The following WDHD1 variants were observed in gnomAD, a reference collection of about 807,000 sequenced individuals.
The protein encoded by WDHD1 is WD repeat and HMG-box DNA binding protein 1.
WDHD1 carries 111 observed loss-of-function variants against 135.4 expected under a neutral mutation model. The observed-to-expected ratio is 0.82, with a 90% CI of 0.70 to 0.96. The LOEUF is 0.96. Among genes scored for constraint, WDHD1 ranks in the 40% least tolerant of loss-of-function variants. The pLI, the probability that WDHD1 is intolerant of heterozygous loss-of-function variation, is 0.00. For missense variants in WDHD1, 1,351 were observed against 1,336.3 expected, an observed-to-expected ratio of 1.01 and a Z score of -0.17; for synonymous variants, 434 against 439.0, an observed-to-expected ratio of 0.99 and a Z score of 0.14.
At chr14:54,999,298 T>C (rs555140907) in intron 10 of WDHD1, among the ~76,000 whole-genome samples, 4 of 152,106 alleles carry the variant, frequency 2.6e-5, no homozygotes, top group African/African-American at 7.2e-5. Context: ...GTCTATTTCA[T>C]CTTTTCTAAA....
intron 2 of WDHD1, among the ~76,000 whole-genome samples, chr14:55,018,716 G>C (rs2042297773): frequency 6.6e-6 from 1 of 152,148 alleles, no homozygotes; most frequent in South Asian, 2.1e-4. Flanking sequence ...AATTTGCTCT[G>C]AGCCTGCCAA....
chr14:55,002,758 T>A (rs118135200), intron 7 of WDHD1, among the ~76,000 whole-genome samples: 3,750 of 152,012 alleles, frequency 0.025, 66 homozygotes, highest in South Asian at 0.04. Flanking sequence ...CCCAACTAAT[T>A]TTTTTCCTGT....
chr14:54,962,370 A>AT, intron 21 of WDHD1, 128 bp downstream of exon 21: 1 of 750,018 alleles, frequency 1.3e-6, no homozygotes. Context: ...GAGATTAAAA[A>AT]AACAAAAACA....
chr14:54,947,828 G>A (rs1054593709), intron 24 of WDHD1, among the ~76,000 whole-genome samples: 2 of 151,906 alleles, frequency 1.3e-5, no homozygotes, highest in Non-Finnish European at 2.9e-5. Flanking sequence ...TTGACCTCAA[G>A]TGATCCGCCC....
intron 11 of WDHD1, among the ~76,000 whole-genome samples, chr14:54,994,586 C>G (rs1037740561): frequency 6.6e-6 from 1 of 151,772 alleles, no homozygotes; most frequent in Non-Finnish European, 1.5e-5. Context: ...CATGGTGAAA[C>G]CCCATCTCTA....
intron 7 of WDHD1, among the ~76,000 whole-genome samples, chr14:55,005,912 T>A (rs1566738946): frequency 6.6e-6 from 1 of 152,184 alleles, no homozygotes; most frequent in African/African-American, 2.4e-5. Context: ...TTGCCTAGGC[T>A]GGAGTACAGT....
intron 2 of WDHD1, 142 bp downstream of exon 2, chr14:55,026,569 C>G: frequency 1.2e-6 from 1 of 800,506 alleles, no homozygotes; most frequent in Non-Finnish European, 2.0e-6. Flanking sequence ...AAACAATAAT[C>G]TAAAGAAATA....
chr14:55,024,945 ACCGT>A, intron 2 of WDHD1, among the ~76,000 whole-genome samples: 1 of 102,122 alleles, frequency 9.8e-6, no homozygotes, highest in Non-Finnish European at 2.3e-5. Flanking sequence ...GAAAGACCTG[ACCGT>A]CCCGTAAAGG....
intron 10 of WDHD1, among the ~76,000 whole-genome samples, chr14:54,996,811 A>G (rs2041887265): frequency 6.6e-6 from 1 of 152,146 alleles, no homozygotes; most frequent in Non-Finnish European, 1.5e-5. Context: ...ATTTTTTGAC[A>G]GAGTGGAGTC....
chr14:54,989,267 C>T, intron 12 of WDHD1, 55 bp from the exon 13 acceptor site: 4 of 1,254,138 alleles, frequency 3.2e-6, no homozygotes, highest in Non-Finnish European at 4.5e-6. Flanking sequence ...CTCCTAGAAT[C>T]AGTAAGCCAC....
Position 54,980,664 on chromosome 14 carries a change from C to T in WDHD1, c.2063+876G>A, listed in dbSNP as rs140087865. Among the ~76,000 whole-genome samples, 924 of 152,032 alleles carry T rather than the reference C, an allele frequency of 6.1e-3. 9 individuals carry two copies. The highest frequency in any genetic ancestry group is 0.021 in the African/African-American group (867 of 41,454). ...ACTAAAAATACAAAAATTAGCTGGGCATGGTGGCACATGCCTATGTAATCT... is the reference window on the plus strand; with the variant it reads ...ACTAAAAATACAAAAATTAGCTGGGTATGGTGGCACATGCCTATGTAATCT... On this transcript the variant is annotated intron_variant, in intron 16 of 25. Transcript: ENST00000360586.
At chr14:55,020,052 T>C (rs773529633) in intron 2 of WDHD1, among the ~76,000 whole-genome samples, 11 of 152,210 alleles carry the variant, frequency 7.2e-5, no homozygotes, top group Non-Finnish European at 1.5e-4. Context: ...CTCTTAATCA[T>C]TGAGTCTCAT....
chr14:54,966,245 GA>G (rs1346384992), intron 18 of WDHD1, among the ~76,000 whole-genome samples: 1 of 150,830 alleles, frequency 6.6e-6, no homozygotes, highest in African/African-American at 2.4e-5. Context: ...GGCTGAGGCA[GA>G]ATTGCGTGAA....
chr14:54,955,140 A>G (rs1213537345), intron 24 of WDHD1, among the ~76,000 whole-genome samples: 2 of 152,222 alleles, frequency 1.3e-5, no homozygotes, highest in East Asian at 1.9e-4. Flanking sequence ...ACAAATATGT[A>G]TTTGCACATA....
intron 15 of WDHD1, among the ~76,000 whole-genome samples, chr14:54,983,392 G>A (rs1424739280): frequency 1.3e-5 from 2 of 151,980 alleles, no homozygotes; most frequent in Non-Finnish European, 1.5e-5. Context: ...AAAAATTTAG[G>A]CTGGGGGCGG....
At chr14:54,945,643 T>C (rs1256002176) in intron 24 of WDHD1, among the ~76,000 whole-genome samples, 1 of 152,166 alleles carries the variant, frequency 6.6e-6, no homozygotes, top group Non-Finnish European at 1.5e-5. Flanking sequence ...CAGGTTCAAG[T>C]GATTCTCCTG....
intron 18 of WDHD1, among the ~76,000 whole-genome samples, chr14:54,966,270 G>A (rs1207070540): frequency 6.6e-6 from 1 of 151,714 alleles, no homozygotes; most frequent in Non-Finnish European, 1.5e-5. Flanking sequence ...GGGAGGCAGA[G>A]GTTGCAGTGA....
chr14:54,981,478 T>A lies in WDHD1; in HGVS notation c.2063+62A>T, dbSNP rs961096462. On this transcript the variant is annotated intron_variant, in intron 16 of 25. Coordinates refer to ENST00000360586, the MANE Select transcript of WDHD1 (RefSeq NM_007086.4). ...AGACAAATACACTTAAAGGGCCTCA[T>A]AAAAAGAATTTCAACATACTTTTTA... The A allele has an allele frequency of 1.3e-4, 198 of 1,519,144 alleles. 2 individuals carry two copies. The Middle Eastern group carries it at 1.5e-3, about 12-fold the overall frequency. 94.1% of individuals were successfully genotyped at this position (1,519,144 alleles called of 1,614,324 possible).
chr14:54,944,209 C>T (rs2040882520), intron 25 of WDHD1, 123 bp downstream of exon 25: 26 of 1,257,736 alleles, frequency 2.1e-5, no homozygotes, highest in Middle Eastern at 4.0e-4. Context: ...TGATCCGCCT[C>T]GACCTCCCAA....
Sources: gnomAD v4.1 joint callset for allele counts (sites outside exome capture counted in the v4.1 genomes callset) on GRCh38, gnomAD v4.1.1 for gene constraint, MANE v1.5 for transcripts, NCBI Gene and HGNC (gene_info 2026-07-23, HGNC 2026-07-21) for gene names.